CLNK: variants seen among roughly 807,000 people sequenced by gnomAD.
The protein encoded by CLNK is cytokine dependent hematopoietic cell linker.
A neutral mutation model predicts 68.6 loss-of-function variants in CLNK; 74 were observed. The ratio of observed to expected loss-of-function variants is 1.08; its 90% CI spans 0.89 to 1.31. The LOEUF (loss-of-function observed/expected upper bound fraction) is 1.31, where lower values mean the gene tolerates loss of function less well. Ranked by LOEUF, CLNK falls within the 50% of genes most tolerant of loss-of-function variation. CLNK has a pLI of 0.00. For missense variants in CLNK, 553 were observed against 515.3 expected (o/e 1.07, Z -0.71); for synonymous variants, 198 against 172.2 (o/e 1.15, Z -1.17).
intron 11 of CLNK, among the ~76,000 whole-genome samples, chr4:10,538,184 C>T (rs945538605): frequency 6.6e-6 from 1 of 152,140 alleles, no homozygotes; most frequent in Non-Finnish European, 1.5e-5. Flanking sequence ...CGCTGGAGTG[C>T]AGTGGTGCAA....
At chr4:10,692,657 C>T in the CLNK span, among the ~76,000 whole-genome samples, 1 of 152,166 alleles carries the variant, frequency 6.6e-6, no homozygotes, top group Admixed American at 6.5e-5. Flanking sequence ...AAAATGCATG[C>T]TACGTGAGAG....
chr4:10,487,632 T>G lies in CLNK; in HGVS notation c.*2835A>C, dbSNP rs1013657804. On this transcript the variant is annotated 3_prime_UTR_variant, in exon 19 of 19. Transcript: ENST00000226951. ...ACAGCATTTGCAGGTCTTTTTTTTTTGTTGTTTTTCTTTTTCCCAGGATAG... is the reference window on the plus strand; with the variant it reads ...ACAGCATTTGCAGGTCTTTTTTTTTGGTTGTTTTTCTTTTTCCCAGGATAG... 2 of 152,028 alleles carry G rather than the reference T, an allele frequency of 1.3e-5. No homozygotes were observed. Among genetic ancestry groups the G allele is most frequent in the African/African-American group, 4.8e-5 (2 of 41,380 alleles). The allele number at this position is 152,028 out of a possible 1,614,324, so 9.4% of individuals were successfully genotyped here.
the CLNK span, among the ~76,000 whole-genome samples, chr4:10,716,702 T>A: frequency 5.4e-5 from 8 of 146,948 alleles, no homozygotes; most frequent in African/African-American, 7.4e-5. Context: ...TTTTTTTTTT[T>A]AATTTTTGGA....
At chr4:10,714,711 TGC>T in the CLNK span, among the ~76,000 whole-genome samples, 13 of 150,554 alleles carry the variant, frequency 8.6e-5, no homozygotes, top group Admixed American at 6.6e-4. Flanking sequence ...TGTGTGTGTG[TGC>T]GTGTGAGTAG....
chr4:10,493,123 C>A (rs957324593), intron 18 of CLNK, among the ~76,000 whole-genome samples: 1 of 152,164 alleles, frequency 6.6e-6, no homozygotes, highest in Non-Finnish European at 1.5e-5. Context: ...TCGAGGCCAG[C>A]CTGGCCAACA....
intron 8 of CLNK, among the ~76,000 whole-genome samples, chr4:10,551,253 C>A (rs75102431): frequency 0.041 from 6,163 of 152,026 alleles, 187 homozygotes; most frequent in Middle Eastern, 0.092. Flanking sequence ...ACCACCCCCC[C>A]ACTTTTTTTG....
At chr4:10,574,538 G>T (rs143451346) in intron 4 of CLNK, among the ~76,000 whole-genome samples, 1 of 152,064 alleles carries the variant, frequency 6.6e-6, no homozygotes, top group Non-Finnish European at 1.5e-5. Flanking sequence ...CAGTTTAGCC[G>T]GAAACCACCT....
intron 2 of CLNK, among the ~76,000 whole-genome samples, chr4:10,613,351 G>C (rs1401076081): frequency 6.6e-6 from 1 of 152,184 alleles, no homozygotes; most frequent in Non-Finnish European, 1.5e-5. Context: ...TCAGCTGTGG[G>C]ATAACTGAAG....
intron 15 of CLNK, among the ~76,000 whole-genome samples, chr4:10,514,666 A>AAT (rs1717750714): frequency 6.6e-6 from 1 of 151,306 alleles, no homozygotes; most frequent in African/African-American, 2.4e-5. Flanking sequence ...AAACCTAGGC[A>AAT]TTACCATTCA....
intron 18 of CLNK, among the ~76,000 whole-genome samples, chr4:10,493,059 G>A (rs897834602): frequency 6.6e-6 from 1 of 152,232 alleles, no homozygotes; most frequent in Non-Finnish European, 1.5e-5. Context: ...GCTCACGCCT[G>A]TAATCCCAGC....
chr4:10,541,353 A>C (rs1041113309), intron 10 of CLNK, among the ~76,000 whole-genome samples: 3 of 151,966 alleles, frequency 2.0e-5, no homozygotes, highest in African/African-American at 7.3e-5. Context: ...GATGCTGGAG[A>C]TATAGAGAGG....
At chr4:10,672,026 T>C (rs577453711) in intron 1 of CLNK, among the ~76,000 whole-genome samples, 83 of 152,218 alleles carry the variant, frequency 5.5e-4, no homozygotes, top group African/African-American at 2.0e-3. Context: ...AAAGAGCCCC[T>C]AAGCTAACTA....
At chr4:10,624,593 G>GTTTTTT (rs10559473) in intron 2 of CLNK, among the ~76,000 whole-genome samples, 1 of 122,888 alleles carries the variant, frequency 8.1e-6, no homozygotes, top group Non-Finnish European at 1.7e-5. Flanking sequence ...CGCCCGGCCA[G>GTTTTTT]TTTTTTTTTT....
At chr4:10,657,708 A>G (rs1724037997) in intron 2 of CLNK, among the ~76,000 whole-genome samples, 1 of 152,214 alleles carries the variant, frequency 6.6e-6, no homozygotes, top group Non-Finnish European at 1.5e-5. Flanking sequence ...CCTACCCAAA[A>G]GGAGGCATTT....
intron 2 of CLNK, among the ~76,000 whole-genome samples, chr4:10,609,085 T>A (rs895499036): frequency 6.6e-6 from 1 of 152,166 alleles, no homozygotes; most frequent in Non-Finnish European, 1.5e-5. Flanking sequence ...CAGGCCTGGG[T>A]CACGTTAAAC....
chr4:10,590,538 G>A (rs376422714), intron 3 of CLNK, among the ~76,000 whole-genome samples: 68 of 152,220 alleles, frequency 4.5e-4, no homozygotes, highest in East Asian at 1.9e-3. Flanking sequence ...ATTCAGCAGC[G>A]AAACCCCTGG....
At chr4:10,676,679 T>G in intron 1 of CLNK, among the ~76,000 whole-genome samples, 1 of 152,148 alleles carries the variant, frequency 6.6e-6, no homozygotes, top group Non-Finnish European at 1.5e-5. Flanking sequence ...CAGAAAGGGT[T>G]TCCTTCCTTT....
intron 8 of CLNK, among the ~76,000 whole-genome samples, chr4:10,553,463 T>A (rs1277164511): frequency 3.9e-5 from 6 of 152,058 alleles, no homozygotes; most frequent in African/African-American, 1.4e-4. Context: ...TTTTATTTTT[T>A]TTTTCTGATA....
At chr4:10,713,114 A>T in the CLNK span, among the ~76,000 whole-genome samples, 1 of 152,154 alleles carries the variant, frequency 6.6e-6, no homozygotes, top group Non-Finnish European at 1.5e-5. Flanking sequence ...CTGCTGCAAG[A>T]GCTGCTGATC....
Sources: allele counts gnomAD v4.1 joint callset (sites outside exome capture counted in the v4.1 genomes callset), GRCh38; gene constraint gnomAD v4.1.1; transcripts MANE v1.5; gene names NCBI Gene and HGNC (gene_info 2026-07-23, HGNC 2026-07-21).